CEP83: variants seen among roughly 807,000 people sequenced by gnomAD.
CEP83 encodes the protein centrosomal protein 83.
A neutral mutation model predicts 101.9 loss-of-function variants in CEP83; 70 were observed. That is an observed-to-expected ratio of 0.69 (90% CI 0.57 to 0.84). The LOEUF (loss-of-function observed/expected upper bound fraction) is 0.84, where lower values mean the gene tolerates loss of function less well. CEP83 is among the 40% of genes least tolerant of loss of function. CEP83 has a pLI of 0.00. For missense variants in CEP83, 715 were observed against 787.2 expected, an observed-to-expected ratio of 0.91 and a Z score of 1.10; for synonymous variants, 264 against 267.9, an observed-to-expected ratio of 0.99 and a Z score of 0.14.
chr12:94,307,329 C>T (rs1040074640), downstream of CEP83: 1 of 152,222 alleles, frequency 6.6e-6, no homozygotes, highest in African/African-American at 2.4e-5. Flanking sequence ...GTGAAAAGCA[C>T]TATCTAGATC....
chr12:94,313,154 A>G, intron 14 of CEP83, 137 bp from the exon 15 acceptor site: 2 of 445,174 alleles, frequency 4.5e-6, no homozygotes, highest in Non-Finnish European at 7.9e-6. Context: ...AAAGGTTAGT[A>G]GACATGGCTC....
chr12:94,456,055 AAAAAAAG>A (rs1413046232), intron 1 of CEP83, among the ~76,000 whole-genome samples: 1 of 152,138 alleles, frequency 6.6e-6, no homozygotes, highest in African/African-American at 2.4e-5. Flanking sequence ...CTCAAAAAAA[AAAAAAAG>A]AAAAAAGAAA....
At chr12:94,314,636 C>T (rs905744706) in intron 14 of CEP83, among the ~76,000 whole-genome samples, 2 of 152,162 alleles carry the variant, frequency 1.3e-5, no homozygotes, top group African/African-American at 2.4e-5. Flanking sequence ...GCATTATTTC[C>T]AGTTGGGACT....
Position 94,378,963 on chromosome 12 carries a change from A to C in CEP83, c.629T>G (p.Val210Gly), listed in dbSNP as rs1370385732. The change falls in exon 7 of 17, where the codon GTG becomes GGG. Residue 210 changes from valine (V) to glycine (G), a missense_variant. Coordinates refer to ENST00000397809, the MANE Select transcript of CEP83 (RefSeq NM_016122.3). ...NVDLTKDSKR[V>G]EQLAREKVYL... ...GACTTTTTCTCGAGCAAGTTGTTCC[A>C]CTCGTTTGCTGTCTTTTGTGAGATC... is the stretch of plus-strand genomic sequence containing the variant. 1.2e-6 allele frequency: 2 copies of C among 1,613,774 alleles called. No homozygotes were observed. The highest frequency in any genetic ancestry group is 1.7e-6 in the Non-Finnish European group (2 of 1,179,900).
In CEP83 at chr12:94,421,898, C is replaced by T. The variant is rs1415924215; in HGVS notation, c.-101-9307G>A. ...CAGTCTAATTGAGAATAAATAGTAGCCTCTCTTAGAAGCAAAATTTACTCA... is the reference window on the plus strand; with the variant it reads ...CAGTCTAATTGAGAATAAATAGTAGTCTCTCTTAGAAGCAAAATTTACTCA... On this transcript the variant is annotated intron_variant, in intron 2 of 16. Coordinates refer to ENST00000397809, the MANE Select transcript of CEP83 (RefSeq NM_016122.3). Among the ~76,000 whole-genome samples the T allele has an allele frequency of 2.0e-5, 3 of 152,192 alleles. No individual in the cohort carries two copies. In the East Asian group the frequency reaches 5.8e-4, roughly 29 times the overall value.
At chr12:94,384,893 G>C (rs975002116) in intron 6 of CEP83, among the ~76,000 whole-genome samples, 2 of 152,150 alleles carry the variant, frequency 1.3e-5, no homozygotes, top group Admixed American at 1.3e-4. Context: ...CTCAGTGTTG[G>C]CATCTATTAG....
At chr12:94,320,747 T>TA (rs776006489) in intron 14 of CEP83, among the ~76,000 whole-genome samples, 5 of 152,226 alleles carry the variant, frequency 3.3e-5, no homozygotes, top group African/African-American at 7.2e-5. Flanking sequence ...GAAGGGCTCC[T>TA]GCTGAGAAGT....
chr12:94,410,835 G>A (rs1405184140), intron 4 of CEP83, among the ~76,000 whole-genome samples: 1 of 152,156 alleles, frequency 6.6e-6, no homozygotes, highest in East Asian at 1.9e-4. Context: ...TCCAAGCCAG[G>A]CTTAGTGGTG....
At chr12:94,287,851 GGTACT>G in the CEP83 span, among the ~76,000 whole-genome samples, 1 of 152,172 alleles carries the variant, frequency 6.6e-6, no homozygotes, top group Non-Finnish European at 1.5e-5. Context: ...TTGTGTACTG[GGTACT>G]GTTCTAGGGC....
chr12:94,309,102 G>C (rs1460361500), intron 16 of CEP83, among the ~76,000 whole-genome samples, 185 bp from the exon 17 acceptor site: 1 of 152,134 alleles, frequency 6.6e-6, no homozygotes, highest in African/African-American at 2.4e-5. Context: ...CCTGCCTCAG[G>C]CTCTAGCCTT....
the CEP83 span, among the ~76,000 whole-genome samples, chr12:94,277,375 CA>C: frequency 6.6e-6 from 1 of 152,152 alleles, no homozygotes; most frequent in Non-Finnish European, 1.5e-5. Flanking sequence ...ATATTCAGAT[CA>C]TAGCAGCATT....
intron 9 of CEP83, chr12:94,369,695 T>C (rs934973387): frequency 1.9e-5 from 6 of 320,174 alleles, no homozygotes; most frequent in African/African-American, 1.3e-4. Flanking sequence ...TTCATTTATG[T>C]ATCCAATAAC....
At chr12:94,271,164 T>C in the CEP83 span, among the ~76,000 whole-genome samples, 5 of 152,250 alleles carry the variant, frequency 3.3e-5, no homozygotes, top group African/African-American at 1.2e-4. Flanking sequence ...ATTAGAAATA[T>C]ATTTTATAGG....
chr12:94,305,030 A>AACAACTTGCAAAGTGAGTATGT (rs1968855274), downstream of CEP83: 4 of 602,600 alleles, frequency 6.6e-6, no homozygotes, highest in Non-Finnish European at 1.2e-5. Context: ...GACTTAGCAA[A>AACAACTTGCAAAGTGAGTATGT]ACAACTTGCA....
the CEP83 span, chr12:94,297,379 T>C: frequency 1.2e-6 from 2 of 1,613,832 alleles, no homozygotes; most frequent in Non-Finnish European, 1.7e-6. Flanking sequence ...GAAGCACAAG[T>C]TCAAAGTAAA....
intron 2 of CEP83, among the ~76,000 whole-genome samples, chr12:94,416,565 CACACACACAA>C (rs1330886780): frequency 9.1e-6 from 1 of 109,674 alleles, no homozygotes; most frequent in Admixed American, 9.1e-5. Context: ...CACACACACA[CACACACACAA>C]AAAAAAAAAA....
chr12:94,303,852 T>C (rs770744072), downstream of CEP83: 7 of 1,610,318 alleles, frequency 4.3e-6, no homozygotes, highest in Non-Finnish European at 5.9e-6. Context: ...TTTGCCTCCA[T>C]TGTCATCCTC....
chr12:94,366,229 G>A (rs577739366), intron 11 of CEP83, among the ~76,000 whole-genome samples: 1 of 151,804 alleles, frequency 6.6e-6, no homozygotes, highest in East Asian at 1.9e-4. Context: ...ACAAGGATGA[G>A]GTATGGACTC....
chr12:94,370,419 G>C (rs1021506013), intron 8 of CEP83, among the ~76,000 whole-genome samples: 2 of 152,206 alleles, frequency 1.3e-5, no homozygotes, highest in African/African-American at 4.8e-5. Flanking sequence ...TGTCATCCAG[G>C]CTGGAGTGCA....
Sources: allele counts gnomAD v4.1 joint callset (sites outside exome capture counted in the v4.1 genomes callset), GRCh38; gene constraint gnomAD v4.1.1; transcripts MANE v1.5; gene names NCBI Gene and HGNC (gene_info 2026-07-23, HGNC 2026-07-21).